Variants in LRMDA observed in about 807,000 individuals in gnomAD.
The protein encoded by LRMDA is leucine rich melanocyte differentiation associated.
Under a neutral mutation model 29.8 loss-of-function variants are expected in LRMDA, and 18 were observed. The observed-to-expected ratio is 0.60, with a 90% CI of 0.42 to 0.90. LRMDA has a LOEUF of 0.90. LRMDA is among the 40% of genes least tolerant of loss of function. LRMDA has a pLI of 0.00. For synonymous variants in LRMDA, 125 were observed against 109.4 expected (o/e 1.14, Z -0.89); for missense variants, 273 against 273.9 (o/e 1.00, Z 0.02).
At chr10:76,169,934 A>G (rs915764984) in intron 5 of LRMDA, among the ~76,000 whole-genome samples, 3 of 152,150 alleles carry the variant, frequency 2.0e-5, no homozygotes, top group African/African-American at 7.2e-5. Context: ...TTATCCTCCC[A>G]TCACCCAAGG....
At chr10:75,810,100 CAG>C (rs1476386854) in intron 2 of LRMDA, among the ~76,000 whole-genome samples, 1 of 152,098 alleles carries the variant, frequency 6.6e-6, no homozygotes, top group Admixed American at 6.6e-5. Context: ...ACAGCATGAG[CAG>C]AGTCTCTGGC....
intron 5 of LRMDA, among the ~76,000 whole-genome samples, chr10:76,085,836 A>C (rs1849125053): frequency 6.6e-6 from 1 of 151,902 alleles, no homozygotes; most frequent in Non-Finnish European, 1.5e-5. Context: ...TCTCCCTCAC[A>C]CTCACACCCC....
chr10:76,252,189 C>G (rs191080939), intron 5 of LRMDA, among the ~76,000 whole-genome samples: 1 of 152,274 alleles, frequency 6.6e-6, no homozygotes, highest in Admixed American at 6.5e-5. Flanking sequence ...GTCCGGGAGG[C>G]CAACCGGGAG....
intron 2 of LRMDA, among the ~76,000 whole-genome samples, chr10:75,636,578 A>C (rs1841392779): frequency 6.6e-6 from 1 of 152,180 alleles, no homozygotes; most frequent in Admixed American, 6.5e-5. Context: ...ATTATTTATA[A>C]AATAAGAAAT....
intron 6 of LRMDA, among the ~76,000 whole-genome samples, chr10:76,485,716 T>G (rs918374649): frequency 6.6e-6 from 1 of 151,964 alleles, no homozygotes; most frequent in Non-Finnish European, 1.5e-5. Context: ...TTTTCAGATT[T>G]GTTTGTGGGA....
intron 2 of LRMDA, among the ~76,000 whole-genome samples, chr10:75,921,904 T>C (rs773930756): frequency 5.3e-5 from 8 of 152,224 alleles, no homozygotes; most frequent in Non-Finnish European, 1.0e-4. Context: ...CCACCTCTAT[T>C]TTCTGTCATC....
chr10:75,933,864 T>C (rs1050722977), intron 2 of LRMDA, among the ~76,000 whole-genome samples: 6 of 152,218 alleles, frequency 3.9e-5, no homozygotes, highest in African/African-American at 1.4e-4. Context: ...GTTGTGGTTT[T>C]AGAAGACTGC....
chr10:76,347,339 T>G (rs773389079), intron 6 of LRMDA, among the ~76,000 whole-genome samples: 5 of 152,196 alleles, frequency 3.3e-5, no homozygotes, highest in African/African-American at 4.8e-5. Context: ...CTCTGTAGCC[T>G]GAATTAACAT....
At chr10:75,472,370 C>T (rs944117261) in intron 2 of LRMDA, among the ~76,000 whole-genome samples, 2 of 152,172 alleles carry the variant, frequency 1.3e-5, no homozygotes, top group African/African-American at 2.4e-5. Context: ...TCATTTAATC[C>T]TCGTAACGAC....
intron 6 of LRMDA, among the ~76,000 whole-genome samples, chr10:76,349,879 A>G (rs916085666): frequency 2.0e-5 from 3 of 152,270 alleles, no homozygotes; most frequent in Admixed American, 6.5e-5. Flanking sequence ...ACTATTATAC[A>G]TGCTCAGATC....
intron 6 of LRMDA, among the ~76,000 whole-genome samples, chr10:76,536,825 A>C (rs972717702): frequency 6.6e-6 from 1 of 152,154 alleles, no homozygotes; most frequent in African/African-American, 2.4e-5. Flanking sequence ...TAAGTGACCT[A>C]AAGACTGTGT....
At chr10:75,927,023 G>T (rs574801823) in intron 2 of LRMDA, among the ~76,000 whole-genome samples, 1 of 152,282 alleles carries the variant, frequency 6.6e-6, no homozygotes, top group Non-Finnish European at 1.5e-5. Context: ...GAGCAATACT[G>T]CCAGTCTCAA....
intron 2 of LRMDA, among the ~76,000 whole-genome samples, chr10:75,820,821 T>TAA (rs897883322): frequency 6.6e-6 from 1 of 152,038 alleles, no homozygotes; most frequent in Non-Finnish European, 1.5e-5. Flanking sequence ...TCAGAAAAGT[T>TAA]AAAGGTGTCA....
chr10:75,582,485 G>T (rs1179309895), intron 2 of LRMDA, among the ~76,000 whole-genome samples: 2 of 152,216 alleles, frequency 1.3e-5, no homozygotes, highest in Middle Eastern at 3.2e-3. Flanking sequence ...AGCTGGAGTG[G>T]CTGGGATACA....
chr10:76,477,165 C>G (rs563691646), intron 6 of LRMDA, among the ~76,000 whole-genome samples: 1 of 152,074 alleles, frequency 6.6e-6, no homozygotes, highest in African/African-American at 2.4e-5. Context: ...TCGTCTCAGC[C>G]CAAAATCTCC....
chr10:76,046,913 G>A (rs1848447973), intron 3 of LRMDA, among the ~76,000 whole-genome samples: 1 of 152,204 alleles, frequency 6.6e-6, no homozygotes, highest in Non-Finnish European at 1.5e-5. Flanking sequence ...AATATGATGG[G>A]ACAATCAAGT....
Position 76,221,553 on chromosome 10 carries a change from G to A in LRMDA, c.517-102848G>A, listed in dbSNP as rs542506704. 1.6e-3 allele frequency among the ~76,000 whole-genome samples: 240 copies of A among 152,250 alleles called. 2 individuals are homozygous for A. The highest frequency in any genetic ancestry group is 4.5e-3 in the African/African-American group (188 of 41,556). ...AGAGAATAAAATACCTAGGAATCCA[G>A]CTTACAAGGGATGTGAAGGACCTCT... On this transcript the variant is annotated intron_variant, in intron 5 of 6. Coordinates refer to ENST00000611255, the MANE Select transcript of LRMDA (RefSeq NM_001305581.2).
At chr10:75,438,299 G>A (rs1460807185) in intron 1 of LRMDA, 95 bp from the exon 2 acceptor site, 2 of 972,946 alleles carry the variant, frequency 2.1e-6, no homozygotes, top group African/African-American at 3.2e-5. Flanking sequence ...TGTGTTTCAA[G>A]TTGCAGAAGC....
At chr10:76,275,647 G>A (rs1840121952) in intron 5 of LRMDA, among the ~76,000 whole-genome samples, 1 of 151,878 alleles carries the variant, frequency 6.6e-6, no homozygotes, top group South Asian at 2.1e-4. Context: ...TATTGCTTTG[G>A]TCTTTGTTTC....
Sources: gnomAD v4.1 joint callset for allele counts (sites outside exome capture counted in the v4.1 genomes callset) on GRCh38, gnomAD v4.1.1 for gene constraint, MANE v1.5 for transcripts, NCBI Gene and HGNC (gene_info 2026-07-23, HGNC 2026-07-21) for gene names.